The following NBPF19 variants were observed in gnomAD, a reference collection of about 807,000 sequenced individuals.
The protein encoded by NBPF19 is NBPF family member NBPF19.
A neutral mutation model predicts 45.9 loss-of-function variants in NBPF19; 30 were observed. That is an observed-to-expected ratio of 0.65 (90% CI 0.49 to 0.89). The LOEUF is 0.89. Ranked by LOEUF, NBPF19 falls within the 40% of genes least tolerant of loss-of-function variation. The pLI is 0.00. For synonymous variants in NBPF19, 183 were observed against 181.2 expected (o/e 1.01, Z -0.08); for missense variants, 495 against 471.8 (o/e 1.05, Z -0.46).
chr1:149,487,971 G>C (rs1371906167), intron 9 of NBPF19, 42 bp from the exon 10 acceptor site: 1 of 694,424 alleles, frequency 1.4e-6, no homozygotes, highest in East Asian at 2.7e-5. Flanking sequence ...TGTGGTTTCT[G>C]ATTCCCCCTG....
rs1253275283 is a variant in NBPF19 at position 149,554,559 on chromosome 1, T to C, written c.11353T>C (p.Tyr3785His). Residue 3785 changes from tyrosine to histidine, a missense_variant, in exon 94 of 94, where the codon TAT (tyrosine) becomes CAT (histidine). Tyr to His is a moderately conservative substitution (Grantham distance 83). Around this residue, in one of 8 missense-constraint regions of NBPF19, gnomAD observed 248 missense variants for 95.4 expected, o/e 2.60. Coordinates refer to ENST00000651566, the MANE Select transcript of NBPF19 (RefSeq NM_001351365.2). ...CTTACAGGACTCACTGGATGGATGT[T>C]ATTCGACTCCGTCAATGTACTTTGA... is the stretch of plus-strand genomic sequence containing the variant. ...EVLQDSLDGC[Y>H]STPSMYFELP... 2.0e-5 allele frequency: 32 copies of C among 1,608,180 alleles called. 2 individuals are homozygous for C. The African/African-American group carries it at 3.1e-4, about 15-fold the overall frequency.
chr1:149,483,294 T>C, intron 7 of NBPF19, among the ~76,000 whole-genome samples: 1 of 107,538 alleles, frequency 9.3e-6, no homozygotes, highest in Middle Eastern at 3.9e-3. Flanking sequence ...GTGGCCTTCT[T>C]TGTCTCTTTT....
At chr1:149,494,119 C>G (rs1203081252) in intron 17 of NBPF19, among the ~76,000 whole-genome samples, 199 bp from the exon 18 acceptor site, 1 of 134,382 alleles carries the variant, frequency 7.4e-6, no homozygotes, top group Non-Finnish European at 1.5e-5. Context: ...TCTCTCTCTC[C>G]CTCTCCCTGT....
chr1:149,497,680 TG>T lies in NBPF19; in HGVS notation c.2662del (p.Ala888LeufsTer57). ...ATATTGGAGCAACAGTGTGTTGGCT[TG>T]GCTATTGACATGGATGGTGAGTACC... ...FYILEQQCVG[L>X]AIDMDEIEKY... On this transcript the variant is annotated frameshift_variant, in exon 22 of 94. Coordinates refer to ENST00000651566, the MANE Select transcript of NBPF19 (RefSeq NM_001351365.2). LOFTEE classifies it high-confidence loss of function. 1 of 204,114 alleles carries T rather than the reference TG, an allele frequency of 4.9e-6. No individual in the cohort carries two copies. Among genetic ancestry groups the T allele is most frequent in the South Asian group, 7.2e-5 (1 of 13,800 alleles). The allele number at this position is 204,114 out of a possible 1,614,324, so 12.6% of individuals were successfully genotyped here.
At position 149,478,635 on chromosome 1, in the gene NBPF19, T is replaced by C. The variant is rs1352019391; in HGVS notation, c.279-245T>C. 4.9e-3 allele frequency among the ~76,000 whole-genome samples: 737 copies of C among 151,040 alleles called. 28 individuals are homozygous for C. The highest frequency in any genetic ancestry group is 8.7e-3 in the Non-Finnish European group (585 of 67,554). On this transcript the variant is annotated intron_variant, in intron 3 of 93. Coordinates refer to ENST00000651566, the MANE Select transcript of NBPF19 (RefSeq NM_001351365.2). ...ACGGAATTAGGAAGACACCTACTTT[T>C]GTTTACAGAAGAGAAAGATGAATGG...
In NBPF19 at chr1:149,556,041, C is replaced by T. The variant is rs1342005741; in HGVS notation, c.*1303C>T. The T allele has an allele frequency of 2.1e-5, 3 of 145,512 alleles. No homozygotes were observed. In the Admixed American group the frequency reaches 2.1e-4, roughly 10 times the overall value. The allele number at this position is 145,512 out of a possible 1,614,324, so 9.0% of individuals were successfully genotyped here. On this transcript the variant is annotated 3_prime_UTR_variant, in exon 94 of 94. Coordinates refer to ENST00000651566, the MANE Select transcript of NBPF19 (RefSeq NM_001351365.2). ...TATAAATATCCTGTATTCTAATGAT[C>T]ATCCTCTAAACATTTTATCATTTAT...
At chr1:149,478,527 A>G (rs2084984273) in intron 3 of NBPF19, among the ~76,000 whole-genome samples, 1 of 151,206 alleles carries the variant, frequency 6.6e-6, no homozygotes, top group East Asian at 1.9e-4. Context: ...CTTTGTATTT[A>G]GTGGCCGCAA....
intron 8 of NBPF19, 117 bp downstream of exon 8, chr1:149,486,410 C>G (rs1363898019): frequency 1.5e-6 from 1 of 676,916 alleles, no homozygotes; most frequent in Non-Finnish European, 2.7e-6. Context: ...TGGGCTGAAC[C>G]TATATATCAA....
intron 9 of NBPF19, 132 bp from the exon 10 acceptor site, chr1:149,487,881 A>G: frequency 2.8e-6 from 2 of 722,612 alleles, no homozygotes; most frequent in East Asian, 5.4e-5. Context: ...AAAGGCAATA[A>G]TTTGTTACCT....
chr1:149,490,921 CGTGTGTGTGTGT>C (rs1159751982), intron 13 of NBPF19, among the ~76,000 whole-genome samples: 1 of 125,984 alleles, frequency 7.9e-6, no homozygotes, highest in Non-Finnish European at 1.7e-5. Context: ...TGTGTGTGTG[CGTGTGTGTGTGT>C]GTGTGTGTGT....
At position 149,487,351 on chromosome 1, in the gene NBPF19, G is replaced by C. The variant is rs2085596503; in HGVS notation, c.1008G>C (p.Val336=). The C allele has an allele frequency of 6.4e-7, 1 of 1,564,382 alleles. No individual in the cohort carries two copies. The change falls in exon 9 of 94, where the codon GTG becomes GTC. Residue 336 remains valine (V), a synonymous_variant. Transcript: ENST00000651566. ...VDIGRHRWDQ[V]KKEDQEATGP... is the part of the protein sequence containing the mutation. ...TTGCAGGACATCGCTGGGATCAAGT[G>C]AAAAAGGAGGACCAAGAGGCAACAG...
chr1:149,483,531 T>C (rs1390187913), intron 7 of NBPF19, among the ~76,000 whole-genome samples: 2 of 146,514 alleles, frequency 1.4e-5, no homozygotes, highest in Non-Finnish European at 3.0e-5. Flanking sequence ...CCCATTTACA[T>C]TTAAGGTTAA....
intron 9 of NBPF19, 139 bp from the exon 10 acceptor site, chr1:149,487,874 G>C (rs1305827668): frequency 1.5e-6 from 1 of 687,248 alleles, no homozygotes; most frequent in Non-Finnish European, 2.7e-6. Context: ...CCAACATAAA[G>C]GCAATAATTT....
chr1:149,475,752 AG>A lies in NBPF19; in HGVS notation c.-77del. The A allele has an allele frequency of 1.7e-6, 1 of 593,042 alleles. No homozygotes were observed. The highest frequency in any genetic ancestry group is 2.0e-5 in the South Asian group (1 of 49,894). The allele number at this position is 593,042 out of a possible 1,614,324, so 36.7% of individuals were successfully genotyped here. On this transcript the variant is annotated 5_prime_UTR_variant, in exon 1 of 94. Coordinates refer to ENST00000651566, the MANE Select transcript of NBPF19 (RefSeq NM_001351365.2). ...ACCTCGAACCTTGTTTTTGTGGTGAAGGATCCTAAAGTGCTGTGGGGAGTGA... is the reference window on the plus strand; with the variant it reads ...ACCTCGAACCTTGTTTTTGTGGTGAAGATCCTAAAGTGCTGTGGGGAGTGA...
Position 149,477,059 on chromosome 1 carries a change from G to C in NBPF19, c.176-886G>C, listed in dbSNP as rs1487117067. Among the ~76,000 whole-genome samples, 20 of 150,472 alleles carry C rather than the reference G, an allele frequency of 1.3e-4. No homozygotes were observed. In the East Asian group the frequency reaches 1.6e-3, roughly 12 times the overall value. Reference sequence around the variant, plus strand: ...GTTCCTAAAGAGGAAAGATCACACCGGAGAATGTGTGGAAGCAGCAGTGCA... The same window carrying C: ...GTTCCTAAAGAGGAAAGATCACACCCGAGAATGTGTGGAAGCAGCAGTGCA... On this transcript the variant is annotated intron_variant, in intron 2 of 93. Transcript: ENST00000651566.
Position 149,555,111 on chromosome 1 carries a change from G to A in NBPF19, c.*373G>A, listed in dbSNP as rs1464729568. The A allele has an allele frequency of 2.0e-4, 61 of 306,326 alleles. 2 individuals are homozygous for A. The highest frequency in any genetic ancestry group is 1.1e-3 in the Admixed American group (23 of 21,020). 19.0% of individuals were successfully genotyped at this position (306,326 alleles called of 1,614,324 possible). ...ATCTTTGTGTTTAGCTCATCCAAAG[G>A]TGTTACCCTGGTTTCAATGAACCTA... On this transcript the variant is annotated 3_prime_UTR_variant, in exon 94 of 94. Coordinates refer to ENST00000651566, the MANE Select transcript of NBPF19 (RefSeq NM_001351365.2).
At chr1:149,479,855 C>T (rs2085068360) in intron 4 of NBPF19, among the ~76,000 whole-genome samples, 1 of 150,654 alleles carries the variant, frequency 6.6e-6, no homozygotes, top group South Asian at 2.1e-4. Context: ...ATGGGGGAGA[C>T]AGCTGCCAAC....
chr1:149,478,247 G>A (rs2101546674), intron 3 of NBPF19, among the ~76,000 whole-genome samples, 200 bp downstream of exon 3: 1 of 151,298 alleles, frequency 6.6e-6, no homozygotes, highest in African/African-American at 2.4e-5. Context: ...TTAGAGCCTT[G>A]TTTTCTCTTT....
chr1:149,521,068 C>CTCTCTG (rs1213450797), intron 51 of NBPF19, among the ~76,000 whole-genome samples: 14 of 76,758 alleles, frequency 1.8e-4, no homozygotes, highest in African/African-American at 5.2e-4. Flanking sequence ...AGGTCACTTT[C>CTCTCTG]TCTCTGTCTC....
Sources: allele counts gnomAD v4.1 joint callset (sites outside exome capture counted in the v4.1 genomes callset), GRCh38; gene constraint gnomAD v4.1.1; regional missense constraint gnomAD v4.1.1; transcripts MANE v1.5; gene names NCBI Gene and HGNC (gene_info 2026-07-23, HGNC 2026-07-21).